SEMA3A: variants seen among roughly 807,000 people sequenced by gnomAD.
The protein encoded by SEMA3A is semaphorin-3A.
In SEMA3A, 29 loss-of-function variants were observed where a neutral mutation model predicts 97.9. That is an observed-to-expected ratio of 0.30 (90% CI 0.22 to 0.40). The LOEUF (loss-of-function observed/expected upper bound fraction) is 0.40, where lower values mean the gene tolerates loss of function less well. Ranked by LOEUF, SEMA3A falls within the 10% of genes least tolerant of loss-of-function variation. SEMA3A has a pLI of 1.00. For synonymous variants in SEMA3A, 321 were observed against 323.7 expected, an observed-to-expected ratio of 0.99 and a Z score of 0.09; for missense variants, 763 against 951.3, an observed-to-expected ratio of 0.80 and a Z score of 2.60.
chr7:84,076,053 A>G (rs796441416), intron 4 of SEMA3A, among the ~76,000 whole-genome samples: 8 of 152,324 alleles, frequency 5.3e-5, no homozygotes, highest in African/African-American at 1.9e-4. Context: ...CCAGGATTAA[A>G]TGAAATAAAA....
At chr7:84,224,650 A>G (rs1798949315) in intron 3 of SEMA3A, among the ~76,000 whole-genome samples, 1 of 152,078 alleles carries the variant, frequency 6.6e-6, no homozygotes, top group South Asian at 2.1e-4. Context: ...GTGTGAGGAA[A>G]GAGAGAGATT....
At chr7:84,004,650 C>T (rs2116394864) in intron 11 of SEMA3A, among the ~76,000 whole-genome samples, 1 of 152,246 alleles carries the variant, frequency 6.6e-6, no homozygotes, top group South Asian at 2.1e-4. Flanking sequence ...CAATTATAAA[C>T]ACTGATTGCT....
intron 15 of SEMA3A, among the ~76,000 whole-genome samples, chr7:83,968,151 T>C (rs1788780083): frequency 6.6e-6 from 1 of 152,188 alleles, no homozygotes; most frequent in East Asian, 1.9e-4. Context: ...TAAGGAAATA[T>C]TGGTGAGTAC....
intron 1 of SEMA3A, among the ~76,000 whole-genome samples, chr7:84,439,292 A>G (rs1444232953): frequency 1.3e-5 from 2 of 152,136 alleles, no homozygotes; most frequent in Non-Finnish European, 2.9e-5. Flanking sequence ...TTTCTATGAC[A>G]GGATGTAGAA....
chr7:84,445,282 G>C (rs1805380542), intron 1 of SEMA3A, among the ~76,000 whole-genome samples: 1 of 151,460 alleles, frequency 6.6e-6, no homozygotes, highest in African/African-American at 2.4e-5. Flanking sequence ...ACGAGTTCAG[G>C]AGATCAAGGC....
Position 83,963,325 on chromosome 7 carries a change from A to C in SEMA3A, c.1740T>G (p.Pro580=), listed in dbSNP as rs777440064. The C allele has an allele frequency of 6.2e-7, 1 of 1,613,414 alleles. No homozygotes were observed. The highest frequency in any genetic ancestry group is 2.2e-5 in the East Asian group (1 of 44,866). Residue 580 remains proline (P), a synonymous_variant, in exon 16 of 17, where the codon CCT becomes CCG. Transcript: ENST00000265362. ...LHHDNHHGHS[P]EERIIYGVEN... ...CTACACCATAGATGATTCTCTCTTC[A>C]GGGCTGTGGCCATGGTGATTATCTG...
chr7:84,378,260 A>C (rs904437359), intron 1 of SEMA3A, among the ~76,000 whole-genome samples: 1 of 152,126 alleles, frequency 6.6e-6, no homozygotes, highest in African/African-American at 2.4e-5. Context: ...AAACTAAAGA[A>C]TATATATACA....
intron 1 of SEMA3A, among the ~76,000 whole-genome samples, chr7:84,165,198 C>T (rs550621421): frequency 1.4e-3 from 210 of 151,122 alleles, no homozygotes; most frequent in Non-Finnish European, 2.4e-3. Flanking sequence ...CAGAGTGAGT[C>T]CTCGTCTCAA....
intron 1 of SEMA3A, among the ~76,000 whole-genome samples, chr7:84,433,729 T>C (rs1805048214): frequency 6.6e-6 from 1 of 152,176 alleles, no homozygotes. Flanking sequence ...CCACATCCTC[T>C]ACAGCATCTG....
At chr7:84,172,603 T>C (rs948371864) in intron 1 of SEMA3A, among the ~76,000 whole-genome samples, 6 of 151,986 alleles carry the variant, frequency 3.9e-5, no homozygotes, top group African/African-American at 1.5e-4. Flanking sequence ...TTGTATTTTT[T>C]TTTCAGTAGA....
At chr7:84,420,076 G>C (rs1265503657) in intron 1 of SEMA3A, among the ~76,000 whole-genome samples, 2 of 151,868 alleles carry the variant, frequency 1.3e-5, no homozygotes, top group Non-Finnish European at 2.9e-5. Flanking sequence ...AGTGAGTTCT[G>C]GGGAAGAAGG....
At chr7:84,409,056 T>C (rs567790249) in intron 1 of SEMA3A, among the ~76,000 whole-genome samples, 2 of 144,664 alleles carry the variant, frequency 1.4e-5, no homozygotes, top group Non-Finnish European at 3.0e-5. Flanking sequence ...ATAATAAAAA[T>C]ATATATATAT....
intron 1 of SEMA3A, among the ~76,000 whole-genome samples, chr7:84,142,929 A>G (rs75640277): frequency 0.017 from 2,543 of 152,188 alleles, 62 homozygotes; most frequent in African/African-American, 0.057. Context: ...GTGTGTTTTA[A>G]GTTTGTTGTA....
intron 1 of SEMA3A, among the ~76,000 whole-genome samples, chr7:84,166,573 A>G: frequency 6.8e-6 from 1 of 147,282 alleles, no homozygotes; most frequent in Admixed American, 6.8e-5. Context: ...CTCCGTCAAA[A>G]AAAAAAAAAA....
intron 2 of SEMA3A, among the ~76,000 whole-genome samples, chr7:84,353,857 C>T (rs1277249055): frequency 6.6e-6 from 1 of 151,524 alleles, no homozygotes; most frequent in Non-Finnish European, 1.5e-5. Context: ...TTTAGGTTTA[C>T]ATTTTTTGTC....
At chr7:84,155,151 T>C (rs1796802641) in intron 1 of SEMA3A, among the ~76,000 whole-genome samples, 1 of 152,132 alleles carries the variant, frequency 6.6e-6, no homozygotes, top group Non-Finnish European at 1.5e-5. Context: ...TATGAACCAG[T>C]GACCTTATAC....
chr7:84,106,317 T>C (rs933177692), intron 4 of SEMA3A, among the ~76,000 whole-genome samples: 23 of 152,174 alleles, frequency 1.5e-4, no homozygotes, highest in African/African-American at 5.3e-4. Flanking sequence ...CAAATACTTA[T>C]TATTATGCTA....
intron 2 of SEMA3A, among the ~76,000 whole-genome samples, chr7:84,351,066 TACAC>T (rs149149582): frequency 0.03 from 4,446 of 146,536 alleles, 178 homozygotes; most frequent in African/African-American, 0.096. Flanking sequence ...TACACATGCA[TACAC>T]ACACACACAC....
At chr7:84,108,406 T>C (rs1795175378) in intron 4 of SEMA3A, among the ~76,000 whole-genome samples, 1 of 151,798 alleles carries the variant, frequency 6.6e-6, no homozygotes, top group Admixed American at 6.6e-5. Context: ...GGAAGGCAGT[T>C]AGAGGTAATA....
Sources: gnomAD v4.1 joint callset for allele counts (sites outside exome capture counted in the v4.1 genomes callset) on GRCh38, gnomAD v4.1.1 for gene constraint, MANE v1.5 for transcripts, NCBI Gene and HGNC (gene_info 2026-07-23, HGNC 2026-07-21) for gene names.